RYR3: variants seen among roughly 807,000 people sequenced by gnomAD.
RYR3 encodes the protein brain ryanodine receptor-calcium release channel.
Under a neutral mutation model 584.3 loss-of-function variants are expected in RYR3, and 207 were observed. The observed-to-expected ratio is 0.35, with a 90% CI of 0.32 to 0.40. The LOEUF is 0.40. Among genes scored for constraint, RYR3 ranks in the 10% least tolerant of loss-of-function variants. The probability of loss-of-function intolerance (pLI) is 1.00; values close to 1 mark genes in which losing one functional copy is unlikely to be tolerated. For missense variants in RYR3, 5,616 were observed against 6,089.2 expected (o/e 0.92, Z 2.59); for synonymous variants, 2,416 against 2,248.5 (o/e 1.07, Z -2.11).
At chr15:33,709,421 A>G (rs1259467905) in intron 43 of RYR3, among the ~76,000 whole-genome samples, 1 of 152,234 alleles carries the variant, frequency 6.6e-6, no homozygotes, top group African/African-American at 2.4e-5. Flanking sequence ...TGAAAGGCTA[A>G]AGCATGCTGT....
At chr15:33,753,444 T>C (rs2071519942) in intron 57 of RYR3, among the ~76,000 whole-genome samples, 1 of 152,172 alleles carries the variant, frequency 6.6e-6, no homozygotes, top group African/African-American at 2.4e-5. Flanking sequence ...ATTGGCTGCT[T>C]AAATCTTAAA....
chr15:33,704,113 G>T (rs138141596), intron 42 of RYR3, among the ~76,000 whole-genome samples: 4 of 151,856 alleles, frequency 2.6e-5, no homozygotes, highest in African/African-American at 4.8e-5. Context: ...CTACTAAAAA[G>T]AAATACAAAA....
At chr15:33,568,800 T>C (rs1013033418) in intron 12 of RYR3, among the ~76,000 whole-genome samples, 1 of 152,206 alleles carries the variant, frequency 6.6e-6, no homozygotes, top group African/African-American at 2.4e-5. Flanking sequence ...TTTTAGAACA[T>C]TTCCATCACT....
intron 1 of RYR3, among the ~76,000 whole-genome samples, chr15:33,464,147 G>A (rs913790666): frequency 1.3e-5 from 2 of 151,952 alleles, no homozygotes; most frequent in African/African-American, 4.8e-5. Context: ...AACCTGTATT[G>A]TTAGGAGGTA....
At chr15:33,572,688 C>CACACACACACACACACACACAT (rs368204203) in intron 12 of RYR3, among the ~76,000 whole-genome samples, 4 of 131,398 alleles carry the variant, frequency 3.0e-5, no homozygotes, top group African/African-American at 5.5e-5. Flanking sequence ...CACACACACA[C>CACACACACACACACACACACAT]ACTGGGCTGG....
Position 33,838,092 on chromosome 15 carries a change from G to A in RYR3, c.12112G>A (p.Ala4038Thr). ...YLGRIEIMGGAKKIERVYFEI... is the reference protein window; with the variant it reads ...YLGRIEIMGGTKKIERVYFEI... ...AGGACGCATCGAGATCATGGGTGGGGCCAAGAAGATTGAGCGTGTTTATTT... is the reference window on the plus strand; with the variant it reads ...AGGACGCATCGAGATCATGGGTGGGACCAAGAAGATTGAGCGTGTTTATTT... The change falls in exon 89 of 104, where the codon GCC (alanine) becomes ACC (threonine). Residue 4038 changes from alanine (A) to threonine (T), a missense_variant. Around this residue, in one of 9 missense-constraint regions of RYR3, gnomAD observed 258 missense variants for 297.3 expected, o/e 0.87. Coordinates refer to ENST00000634891, the MANE Select transcript of RYR3 (RefSeq NM_001036.6). 1.2e-6 allele frequency: 2 copies of A among 1,613,992 alleles called. No individual in the cohort carries two copies. Among genetic ancestry groups the A allele is most frequent in the South Asian group, 1.1e-5 (1 of 91,068 alleles).
At chr15:33,374,812 G>T (rs72725467) in intron 1 of RYR3, among the ~76,000 whole-genome samples, 11,563 of 152,232 alleles carry the variant, frequency 0.076, 639 homozygotes, top group Middle Eastern at 0.2. Flanking sequence ...AGCCCTCCAG[G>T]ACACTCAGCA....
At chr15:33,329,833 G>A (rs568298000) in intron 1 of RYR3, among the ~76,000 whole-genome samples, 3 of 152,194 alleles carry the variant, frequency 2.0e-5, no homozygotes, top group African/African-American at 4.8e-5. Context: ...GACTTTGTGC[G>A]AAGGGGAGAT....
intron 42 of RYR3, among the ~76,000 whole-genome samples, chr15:33,704,071 A>G (rs944275925): frequency 6.6e-6 from 1 of 152,110 alleles, no homozygotes; most frequent in Non-Finnish European, 1.5e-5. Context: ...GGAGTTCAAG[A>G]CCAGTCTGGC....
At position 33,649,248 on chromosome 15, in the gene RYR3, C is replaced by T. The variant is rs878862301; in HGVS notation, c.4142+13C>T. 3.1e-6 allele frequency: 5 copies of T among 1,607,096 alleles called. No homozygotes were observed. Among genetic ancestry groups the T allele is most frequent in the South Asian group, 1.1e-5 (1 of 90,822 alleles). On this transcript the variant is annotated intron_variant, in intron 31 of 103. Transcript: ENST00000634891. ...GGGTCCATGAAAGGTAAGGGGGCTC[C>T]CAAGTGGCAGGGTTAGCCATCGGGC...
At chr15:33,711,234 CATTT>C (rs1179476163) in intron 43 of RYR3, among the ~76,000 whole-genome samples, 2 of 84,672 alleles carry the variant, frequency 2.4e-5, no homozygotes, top group African/African-American at 8.7e-5. Context: ...TTCTTTCTTT[CATTT>C]TTTTTTTTTT....
chr15:33,456,988 C>T (rs1266075652), intron 1 of RYR3, among the ~76,000 whole-genome samples: 9 of 151,864 alleles, frequency 5.9e-5, no homozygotes, highest in Admixed American at 3.3e-4. Flanking sequence ...TGTTTGTGTT[C>T]GACAAATAGG....
At chr15:33,564,543 A>G (rs1304365039) in intron 11 of RYR3, among the ~76,000 whole-genome samples, 1 of 152,226 alleles carries the variant, frequency 6.6e-6, no homozygotes, top group Non-Finnish European at 1.5e-5. Context: ...TTACCAGCCT[A>G]TCAGAAGAAA....
At chr15:33,625,336 G>C (rs1046669498) in intron 20 of RYR3, among the ~76,000 whole-genome samples, 6 of 152,212 alleles carry the variant, frequency 3.9e-5, no homozygotes, top group Admixed American at 2.0e-4. Flanking sequence ...TGGGGACACA[G>C]AGCCAAACTA....
At chr15:33,713,285 T>TCAC (rs1567006410) in intron 43 of RYR3, among the ~76,000 whole-genome samples, 2 of 151,714 alleles carry the variant, frequency 1.3e-5, no homozygotes, top group African/African-American at 4.8e-5. Context: ...GGAATTGTGA[T>TCAC]AGTGGGTGAT....
chr15:33,361,512 G>A (rs1007252103), intron 1 of RYR3, among the ~76,000 whole-genome samples: 1 of 152,182 alleles, frequency 6.6e-6, no homozygotes, highest in African/African-American at 2.4e-5. Flanking sequence ...GGGGTGTTTA[G>A]CATTGCACCT....
At chr15:33,763,823 G>A (rs748593353) in intron 60 of RYR3, among the ~76,000 whole-genome samples, 6 of 149,170 alleles carry the variant, frequency 4.0e-5, no homozygotes, top group South Asian at 4.2e-4. Context: ...AATCCAGGAG[G>A]TGGAGGTTGC....
At position 33,603,213 on chromosome 15, in the gene RYR3, C is replaced by T. The variant is rs770069169; in HGVS notation, c.2013C>T (p.Pro671=). The T allele has an allele frequency of 1.2e-6, 2 of 1,613,942 alleles. No individual in the cohort carries two copies. Among genetic ancestry groups the T allele is most frequent in the South Asian group, 1.1e-5 (1 of 91,078 alleles). Residue 671 remains proline, a synonymous_variant, in exon 18 of 104, where the codon CCC becomes CCT. Transcript: ENST00000634891. Reference sequence around the variant, plus strand: ...AGCTGATTATCGACCAGGTGGACCCCTTCCTAACAGCAGAGCCCACACATC... The same window carrying T: ...AGCTGATTATCGACCAGGTGGACCCTTTCCTAACAGCAGAGCCCACACATC... ...YFELIIDQVD[P]FLTAEPTHLR...
intron 69 of RYR3, among the ~76,000 whole-genome samples, chr15:33,805,689 G>C (rs534497309): frequency 1.3e-5 from 2 of 151,680 alleles, no homozygotes; most frequent in East Asian, 3.9e-4. Context: ...GTGTTAGCCA[G>C]GATGGTCTCG....
Sources: allele counts gnomAD v4.1 joint callset (sites outside exome capture counted in the v4.1 genomes callset), GRCh38; gene constraint gnomAD v4.1.1; regional missense constraint gnomAD v4.1.1; transcripts MANE v1.5; gene names NCBI Gene and HGNC (gene_info 2026-07-23, HGNC 2026-07-21).